The following DMD variants were observed in gnomAD, a reference collection of about 807,000 sequenced individuals.
The protein encoded by DMD is dystrophin.
A neutral mutation model predicts 330.1 loss-of-function variants in DMD; 63 were observed. The ratio of observed to expected loss-of-function variants is 0.19; its 90% confidence interval spans 0.16 to 0.24. DMD has a LOEUF of 0.24. Among genes scored for constraint, DMD ranks in the 10% least tolerant of loss-of-function variants. The pLI is 1.00. For missense variants in DMD, 3,344 were observed against 2,684.1 expected (o/e 1.25, Z -5.43); for synonymous variants, 1,223 against 959.8 (o/e 1.27, Z -5.07).
At chrX:31,277,000 C>G (rs1299988815) in intron 62 of DMD, among the ~76,000 whole-genome samples, 2 of 111,192 alleles carry the variant, frequency 1.8e-5, no homozygotes, top group Non-Finnish European at 3.8e-5. Flanking sequence ...TGAGTGTGTT[C>G]AGATTGTGAA....
chrX:33,039,606 A>C (rs2094264083), intron 1 of DMD, among the ~76,000 whole-genome samples: 1 of 111,683 alleles, frequency 9.0e-6, no homozygotes, highest in African/African-American at 3.3e-5. Flanking sequence ...CACAGATAAC[A>C]GGTCCTCAAT....
intron 29 of DMD, among the ~76,000 whole-genome samples, chrX:32,418,250 T>A (rs181892188): frequency 9.0e-6 from 1 of 111,057 alleles, no homozygotes; most frequent in African/African-American, 3.3e-5. Flanking sequence ...ACTAACACAG[T>A]CCACGAATTC....
chrX:31,653,616 A>C (rs766617574), intron 54 of DMD, among the ~76,000 whole-genome samples: 1 of 111,212 alleles, frequency 9.0e-6, no homozygotes, highest in East Asian at 2.8e-4. Flanking sequence ...CTGGAACAGA[A>C]ATAAGGAAAT....
At chrX:31,422,043 A>ATATATATT (rs1556630715) in intron 60 of DMD, among the ~76,000 whole-genome samples, 1 of 28,759 alleles carries the variant, frequency 3.5e-5, no homozygotes, top group African/African-American at 6.8e-5. Context: ...ATATATATAT[A>ATATATATT]TTTTTTTTTT....
chrX:32,745,688 T>C (rs1290397276), intron 7 of DMD, among the ~76,000 whole-genome samples: 1 of 112,409 alleles, frequency 8.9e-6, no homozygotes, highest in Non-Finnish European at 1.9e-5. Context: ...GCTGAGATAG[T>C]TGCTTTTTTA....
At chrX:31,177,104 T>C (rs2040588887) in intron 71 of DMD, among the ~76,000 whole-genome samples, 1 of 111,626 alleles carries the variant, frequency 9.0e-6, no homozygotes, top group African/African-American at 3.2e-5. Flanking sequence ...ATACCAAAAG[T>C]TTGTTATAAC....
intron 51 of DMD, among the ~76,000 whole-genome samples, chrX:31,747,257 A>G (rs1453548511): frequency 1.8e-5 from 2 of 111,776 alleles, no homozygotes; most frequent in African/African-American, 3.3e-5. Context: ...GCAAATTTCT[A>G]TAATAAAACA....
intron 2 of DMD, among the ~76,000 whole-genome samples, chrX:32,970,664 T>A (rs1417061159): frequency 1.1e-5 from 1 of 91,987 alleles, no homozygotes; most frequent in Non-Finnish European, 2.0e-5. Context: ...ATGATAATGA[T>A]AATAAAAATA....
chrX:32,584,827 T>C lies in DMD; in HGVS notation c.1602+10930A>G, dbSNP rs753361338. Among the ~76,000 whole-genome samples the C allele has an allele frequency of 1.7e-4, 19 of 111,893 alleles. No individual in the cohort carries two copies. The South Asian group carries it at 6.3e-3, about 37-fold the overall frequency. On this transcript the variant is annotated intron_variant, in intron 13 of 78. Transcript: ENST00000357033. ...TCCTGGTTGCTGGTAACATACTATCTTTTTCTGGATGTGGAATCATAGTAT... is the reference window on the plus strand; with the variant it reads ...TCCTGGTTGCTGGTAACATACTATCCTTTTCTGGATGTGGAATCATAGTAT...
chrX:31,296,714 T>G (rs2054216437), intron 62 of DMD, among the ~76,000 whole-genome samples: 1 of 112,241 alleles, frequency 8.9e-6, no homozygotes, highest in African/African-American at 3.2e-5. Flanking sequence ...ACTGCTCACA[T>G]GAATTTTACT....
intron 7 of DMD, among the ~76,000 whole-genome samples, chrX:32,797,147 G>A (rs753096459): frequency 9.0e-6 from 1 of 110,767 alleles, no homozygotes; most frequent in East Asian, 2.9e-4. Context: ...GGGGGGACAG[G>A]GCCTCAGTTC....
intron 42 of DMD, among the ~76,000 whole-genome samples, chrX:32,288,043 T>C (rs902863846): frequency 9.0e-6 from 1 of 110,919 alleles, no homozygotes; most frequent in African/African-American, 3.3e-5. Context: ...ACTTCTTTTC[T>C]TCTCTGTCCA....
chrX:31,235,877 C>T (rs1461896019), intron 63 of DMD, among the ~76,000 whole-genome samples: 1 of 111,770 alleles, frequency 8.9e-6, no homozygotes, highest in Non-Finnish European at 1.9e-5. Context: ...AAGGTGAATC[C>T]GCTGTATTTA....
chrX:32,671,021 G>A (rs769274629), intron 9 of DMD, among the ~76,000 whole-genome samples: 12 of 110,260 alleles, frequency 1.1e-4, no homozygotes, highest in South Asian at 7.8e-4. Context: ...CCAAAGCATC[G>A]CAAAGATCCA....
intron 12 of DMD, among the ~76,000 whole-genome samples, chrX:32,606,121 CTT>C (rs2056676360): frequency 9.1e-6 from 1 of 109,995 alleles, no homozygotes. Flanking sequence ...AATATTATGT[CTT>C]TTCATTCTTT....
At chrX:33,193,788 A>G (rs1208141351) in intron 1 of DMD, among the ~76,000 whole-genome samples, 2 of 111,862 alleles carry the variant, frequency 1.8e-5, no homozygotes, top group Admixed American at 1.9e-4. Flanking sequence ...ATCATATTAT[A>G]CCCAAAAAAT....
At chrX:33,331,152 C>A (rs1017917360) in intron 1 of DMD, among the ~76,000 whole-genome samples, 4 of 111,680 alleles carry the variant, frequency 3.6e-5, no homozygotes, top group Non-Finnish European at 7.5e-5. Context: ...GGGCTCTAAT[C>A]CTGTCTGGAT....
At chrX:33,018,422 G>A (rs2093846829) in intron 2 of DMD, among the ~76,000 whole-genome samples, 1 of 111,725 alleles carries the variant, frequency 9.0e-6, no homozygotes, top group South Asian at 3.7e-4. Flanking sequence ...ATACCGAATT[G>A]CTCTGAGGCA....
At chrX:31,764,033 A>G (rs1250815304) in intron 51 of DMD, among the ~76,000 whole-genome samples, 2 of 110,499 alleles carry the variant, frequency 1.8e-5, no homozygotes, top group Non-Finnish European at 3.8e-5. Context: ...ACACCATCAC[A>G]GCCAGCTAAC....
Sources: allele counts gnomAD v4.1 joint callset (sites outside exome capture counted in the v4.1 genomes callset), GRCh38; gene constraint gnomAD v4.1.1; transcripts MANE v1.5; gene names NCBI Gene and HGNC (gene_info 2026-07-23, HGNC 2026-07-21).